Variants in FKBP10 observed in about 807,000 individuals in gnomAD.
The protein encoded by FKBP10 is FKBP prolyl isomerase 10.
In FKBP10, 34 loss-of-function variants were observed where a neutral mutation model predicts 53.7. The observed-to-expected ratio is 0.63, with a 90% CI of 0.48 to 0.84. The LOEUF is 0.84. FKBP10 is among the 40% of genes least tolerant of loss of function. FKBP10 has a pLI of 0.00. For missense variants in FKBP10, 748 were observed against 797.8 expected (o/e 0.94, Z 0.75); for synonymous variants, 324 against 335.7 (o/e 0.97, Z 0.38).
At chr17:41,818,640 A>G in intron 4 of FKBP10, 113 bp downstream of exon 4, 20 of 1,406,368 alleles carry the variant, frequency 1.4e-5, no homozygotes, top group South Asian at 2.4e-5. Context: ...CAAGGACTCA[A>G]GGTGGGATGA....
chr17:41,814,817 CA>C (rs1205803048), intron 1 of FKBP10, among the ~76,000 whole-genome samples: 4 of 152,206 alleles, frequency 2.6e-5, no homozygotes, highest in Non-Finnish European at 4.4e-5. Context: ...CAGCTCACTG[CA>C]ACCTCCTGGG....
At chr17:41,813,857 C>T (rs1296426479) in intron 1 of FKBP10, among the ~76,000 whole-genome samples, 1 of 144,706 alleles carries the variant, frequency 6.9e-6, no homozygotes, top group Non-Finnish European at 1.5e-5. Flanking sequence ...CCTGCGGAGG[C>T]CCTGTCTACG....
rs576914393 is a variant in FKBP10 at position 41,817,169 on chromosome 17, G to C, written c.357G>C (p.Val119=). 23 of 1,613,912 alleles carry C rather than the reference G, an allele frequency of 1.4e-5. No homozygotes were observed. The highest frequency in any genetic ancestry group is 1.9e-5 in the Non-Finnish European group (22 of 1,180,042). The change falls in exon 2 of 10, where the codon GTG becomes GTC. Residue 119 remains valine (V), a synonymous_variant. Transcript: ENST00000321562. ...TCAACGAGCGGCGACGCCTCATTGT[G>C]CCTCCCCACCTGGGCTATGGGAGCA... ...MCVNERRRLI[V]PPHLGYGSIG... is the part of the protein sequence containing the mutation.
At chr17:41,817,967 C>A (rs1242226945) in intron 2 of FKBP10, 122 bp from the exon 3 acceptor site, 31 of 1,001,082 alleles carry the variant, frequency 3.1e-5, no homozygotes, top group Non-Finnish European at 4.4e-5. Context: ...ATAGTGGCAT[C>A]TCTGTCCCTG....
chr17:41,814,661 A>T (rs1555615873), intron 1 of FKBP10, among the ~76,000 whole-genome samples: 1 of 152,144 alleles, frequency 6.6e-6, no homozygotes, highest in Admixed American at 6.5e-5. Context: ...GACTGCTAGG[A>T]GTGAGGCAGG....
rs546799042 is a variant in FKBP10, at chr17:41,818,330, C to T, written c.581+52C>T. 92 of 1,613,976 alleles carry T rather than the reference C, an allele frequency of 5.7e-5. 1 individual carries two copies. The highest frequency in any genetic ancestry group is 8.9e-5 in the East Asian group (4 of 44,874). ...GCACTGGGGACTGTGGCATGGGGAG[C>T]GGGAATCCGGGGCCCAGCCTGCCTC... On this transcript the variant is annotated intron_variant, in intron 3 of 9. Transcript: ENST00000321562.
At position 41,815,735 on chromosome 17, in the gene FKBP10, G is replaced by A. The variant is rs190013549; in HGVS notation, c.246-1323G>A. ...CTCCCAAAGTGCTGGGATTACAGGC[G>A]TGAGCCACTGCGCTCGGCCAGAAAA... On this transcript the variant is annotated intron_variant, in intron 1 of 9. Transcript: ENST00000321562. 8.5e-4 allele frequency among the ~76,000 whole-genome samples: 129 copies of A among 151,372 alleles called. 1 individual carries two copies. Among genetic ancestry groups the A allele is most frequent in the African/African-American group, 3.0e-3 (124 of 41,300 alleles).
chr17:41,816,902 T>C (rs1271164962), intron 1 of FKBP10, among the ~76,000 whole-genome samples, 156 bp from the exon 2 acceptor site: 8 of 152,066 alleles, frequency 5.3e-5, no homozygotes, highest in Admixed American at 3.3e-4. Flanking sequence ...GAGGGGGACT[T>C]GAAAAGGAGG....
In FKBP10 at chr17:41,818,263, C is replaced by T. The variant is rs1186713657; in HGVS notation, c.566C>T (p.Thr189Ile). ...YHYNGTLLDG[T>I]SFDTSYSKGG... ...TACAATGGCACCCTGCTGGACGGCACCTCCTTCGACACCAGGTGAGGGGCT... is the reference window on the plus strand; with the variant it reads ...TACAATGGCACCCTGCTGGACGGCATCTCCTTCGACACCAGGTGAGGGGCT... Residue 189 changes from threonine (T) to isoleucine (I), a missense_variant, in exon 3 of 10, where the codon ACC (threonine) becomes ATC (isoleucine). Physicochemically the swap from Thr to Ile is moderately conservative, Grantham distance 89. Transcript: ENST00000321562. 1.6e-5 allele frequency: 26 copies of T among 1,613,644 alleles called. No individual in the cohort carries two copies. The highest frequency in any genetic ancestry group is 2.2e-5 in the Non-Finnish European group (26 of 1,180,024).
intron 4 of FKBP10, 109 bp from the exon 5 acceptor site, chr17:41,819,101 T>C (rs868925129): frequency 7.8e-6 from 9 of 1,157,832 alleles, no homozygotes; most frequent in Middle Eastern, 2.3e-4. Context: ...GAAAGGGCTC[T>C]GGAGAGTGGG....
chr17:41,821,883 A>C, intron 9 of FKBP10, 66 bp downstream of exon 9: 3 of 1,602,480 alleles, frequency 1.9e-6, no homozygotes, highest in Middle Eastern at 1.9e-4. Flanking sequence ...GCATCGAGGA[A>C]GAAGACGTCC....
In FKBP10 at chr17:41,821,013, G is replaced by A. The variant is rs782332252; in HGVS notation, c.1323G>A (p.Thr441=). ...ACAAGGTGATCGAAGGCCTGGACACGGGCCTGCAGGGCATGTGTGTGGGAG... is the reference window on the plus strand; with the variant it reads ...ACAAGGTGATCGAAGGCCTGGACACAGGCCTGCAGGGCATGTGTGTGGGAG... The part of the protein sequence containing the change: ...GANKVIEGLD[T]GLQGMCVGER... Residue 441 remains threonine, a synonymous_variant, in exon 8 of 10, where the codon ACG becomes ACA. Transcript: ENST00000321562. 4.7e-5 allele frequency: 75 copies of A among 1,604,782 alleles called. No homozygotes were observed. The highest frequency in any genetic ancestry group is 6.0e-5 in the Non-Finnish European group (70 of 1,175,956).
Position 41,819,355 on chromosome 17 carries a change from C to T in FKBP10, c.873C>T (p.Tyr291=). Reference sequence around the variant, plus strand: ...CCGGGGCCGGGGACTTCATGCGCTACCACTACAATGGCTCCTTGATGGACG... The same window carrying T: ...CCGGGGCCGGGGACTTCATGCGCTATCACTACAATGGCTCCTTGATGGACG... The part of the protein sequence containing the change: ...RRAGAGDFMR[Y]HYNGSLMDGT... The change falls in exon 5 of 10, where the codon TAC becomes TAT. Residue 291 remains tyrosine (Y), a synonymous_variant. Coordinates refer to ENST00000321562, the MANE Select transcript of FKBP10 (RefSeq NM_021939.4). 5 of 1,614,102 alleles carry T rather than the reference C, an allele frequency of 3.1e-6. No individual in the cohort carries two copies. Among genetic ancestry groups the T allele is most frequent in the Non-Finnish European group, 4.2e-6 (5 of 1,180,002 alleles).
chr17:41,817,969 C>A, intron 2 of FKBP10, 120 bp from the exon 3 acceptor site: 3 of 1,023,934 alleles, frequency 2.9e-6, no homozygotes, highest in Non-Finnish European at 4.4e-6. Context: ...AGTGGCATCT[C>A]TGTCCCTGGT....
rs1477499032 is a variant in FKBP10 at position 41,823,150 on chromosome 17, ACACT to A, written c.*745_*748del. The A allele has an allele frequency of 1.3e-5, 2 of 154,132 alleles. No homozygotes were observed. Among genetic ancestry groups the A allele is most frequent in the Non-Finnish European group, 2.9e-5 (2 of 69,368 alleles). The allele number at this position is 154,132 out of a possible 1,614,324, so 9.5% of individuals were successfully genotyped here. A position where few individuals can be genotyped will look rare whatever the true frequency, so the allele number is the denominator to read the frequency against. ...GGTGGGAGGGAGGGCAGAGCTCTGC[ACACT>A]CAAAGGCTAAACTGGTGTCAGTCCT... On this transcript the variant is annotated 3_prime_UTR_variant, in exon 10 of 10. Coordinates refer to ENST00000321562, the MANE Select transcript of FKBP10 (RefSeq NM_021939.4).
rs1352005781 is a variant in FKBP10 at position 41,822,431 on chromosome 17, C to T, written c.*23C>T. On this transcript the variant is annotated 3_prime_UTR_variant, in exon 10 of 10. Transcript: ENST00000321562. ...TGAGGGGCAGGGAGCCTGGCCAGGC[C>T]TGAGACACAGAGGCCCACTGCGAGG... 6.3e-7 allele frequency: 1 copy of T among 1,583,798 alleles called. No homozygotes were observed. Among genetic ancestry groups the T allele is most frequent in the Non-Finnish European group, 8.6e-7 (1 of 1,164,848 alleles).
chr17:41,817,066 G>T lies in FKBP10; in HGVS notation c.254G>T (p.Arg85Leu), dbSNP rs200421914. Residue 85 changes from arginine to leucine, a missense_variant, in exon 2 of 10, where the codon CGC (arginine) becomes CTC (leucine). By Grantham distance (102) the Arg-to-Leu change is moderately radical. Coordinates refer to ENST00000321562, the MANE Select transcript of FKBP10 (RefSeq NM_021939.4). ...DGKKFDSSYD[R>L]NTLVAIVVGV... Reference sequence around the variant, plus strand: ...TGTCCCTCCCCCCCCAGCTATGATCGCAACACCTTGGTGGCCATCGTGGTG... The same window carrying T: ...TGTCCCTCCCCCCCCAGCTATGATCTCAACACCTTGGTGGCCATCGTGGTG... 1 of 1,614,028 alleles carries T rather than the reference G, an allele frequency of 6.2e-7. No homozygotes were observed.
chr17:41,819,057 T>A, intron 4 of FKBP10, 153 bp from the exon 5 acceptor site: 1 of 760,650 alleles, frequency 1.3e-6, no homozygotes, highest in Non-Finnish European at 2.2e-6. Flanking sequence ...CAGGTCTTAC[T>A]GGAGGAGCAA....
At chr17:41,814,997 C>T (rs1022179665) in intron 1 of FKBP10, among the ~76,000 whole-genome samples, 6 of 152,136 alleles carry the variant, frequency 3.9e-5, no homozygotes, top group Non-Finnish European at 7.3e-5. Flanking sequence ...CTGCAACCTC[C>T]GCCTCTGCCT....
Sources: gnomAD v4.1 joint callset for allele counts (sites outside exome capture counted in the v4.1 genomes callset) on GRCh38, gnomAD v4.1.1 for gene constraint, MANE v1.5 for transcripts, NCBI Gene and HGNC (gene_info 2026-07-23, HGNC 2026-07-21) for gene names.